The following OR3A2 variants were observed in gnomAD, a reference collection of about 807,000 sequenced individuals.
OR3A2 encodes the protein olfactory receptor 3A2.
For missense variants in OR3A2, 318 were observed against 392.8 expected, an observed-to-expected ratio of 0.81 and a Z score of 1.61; for synonymous variants, 126 against 159.3, an observed-to-expected ratio of 0.79 and a Z score of 1.57.
chr17:3,306,540 T>A (rs9894414), intron 3 of OR3A2, among the ~76,000 whole-genome samples: 28,647 of 151,796 alleles, frequency 0.19, 4,242 homozygotes, highest in African/African-American at 0.41. Context: ...CCTACAAATA[T>A]ATAGAGTGTT....
At chr17:3,366,478 C>G (rs1597360241) in intron 2 of OR3A2, among the ~76,000 whole-genome samples, 1 of 152,152 alleles carries the variant, frequency 6.6e-6, no homozygotes. Flanking sequence ...TTCCTGGATG[C>G]CACAAAAGCT....
intron 2 of OR3A2, among the ~76,000 whole-genome samples, chr17:3,356,923 T>C (rs1285114300): frequency 6.6e-6 from 1 of 151,690 alleles, no homozygotes. Flanking sequence ...TTAAGTACTA[T>C]TGAAACTTAA....
At chr17:3,321,338 G>C (rs1307506330) in intron 3 of OR3A2, among the ~76,000 whole-genome samples, 2 of 152,124 alleles carry the variant, frequency 1.3e-5, no homozygotes, top group Admixed American at 1.3e-4. Flanking sequence ...GGGACAATAT[G>C]ACTTCCTTTT....
At chr17:3,333,009 G>C (rs1347659511) in intron 3 of OR3A2, among the ~76,000 whole-genome samples, 1 of 152,182 alleles carries the variant, frequency 6.6e-6, no homozygotes, top group Non-Finnish European at 1.5e-5. Context: ...CTGACTGCCT[G>C]CAGGATTGGG....
intron 2 of OR3A2, among the ~76,000 whole-genome samples, chr17:3,340,201 T>A (rs1283786985): frequency 6.6e-6 from 1 of 152,182 alleles, no homozygotes; most frequent in African/African-American, 2.4e-5. Flanking sequence ...ATTTTATTGA[T>A]CTTTTCAAAA....
chr17:3,329,452 G>C (rs953048492), intron 3 of OR3A2, among the ~76,000 whole-genome samples: 3 of 147,640 alleles, frequency 2.0e-5, no homozygotes, highest in Non-Finnish European at 3.0e-5. Flanking sequence ...GAGTGTATGT[G>C]TCGAGGAATT....
chr17:3,347,385 C>A, intron 2 of OR3A2, among the ~76,000 whole-genome samples: 1 of 152,068 alleles, frequency 6.6e-6, no homozygotes, highest in Non-Finnish European at 1.5e-5. Flanking sequence ...CCAATGCTAT[C>A]CCTCCCCTCT....
chr17:3,303,672 A>C (rs1217438001), intron 3 of OR3A2, among the ~76,000 whole-genome samples: 1 of 150,558 alleles, frequency 6.6e-6, no homozygotes, highest in Non-Finnish European at 1.5e-5. Flanking sequence ...TTGAACACGG[A>C]AGGCAGAGGC....
In OR3A2 at chr17:3,279,775, G is replaced by A. The variant is rs1443134141; in HGVS notation, c.-6-852C>T. Among the ~76,000 whole-genome samples, 6 of 151,986 alleles carry A rather than the reference G, an allele frequency of 3.9e-5. No homozygotes were observed. The East Asian group carries it at 1.2e-3, about 29-fold the overall frequency. ...TGTACTCCAGCCTGGGTGACAGAGC[G>A]AGGCTCCATCTCAAACAAAACAAAA... is the stretch of plus-strand genomic sequence containing the variant. On this transcript the variant is annotated intron_variant, in intron 1 of 1. Coordinates refer to ENST00000642052, the Ensembl canonical transcript of OR3A2.
chr17:3,340,362 G>C (rs1276417958), intron 2 of OR3A2, among the ~76,000 whole-genome samples: 1 of 151,914 alleles, frequency 6.6e-6, no homozygotes, highest in Admixed American at 6.6e-5. Flanking sequence ...GTGATGTTAG[G>C]GTGTCAATTT....
chr17:3,369,516 T>C (rs1264317732), intron 2 of OR3A2, among the ~76,000 whole-genome samples: 1 of 152,220 alleles, frequency 6.6e-6, no homozygotes, highest in Non-Finnish European at 1.5e-5. Context: ...TTTTAATTGT[T>C]TACATGGTGT....
intron 3 of OR3A2, among the ~76,000 whole-genome samples, chr17:3,306,124 T>G (rs1400855041): frequency 6.6e-6 from 1 of 151,154 alleles, no homozygotes; most frequent in South Asian, 2.1e-4. Context: ...TGAGCTCCAC[T>G]GGAGGCTCTG....
rs35233474 is a variant in OR3A2, at chr17:3,369,805, CTT to C, written c.-179+13997_-179+13998del. On this transcript the variant is annotated intron_variant, in intron 2 of 4. Coordinates refer to the OR3A2 transcript ENST00000573491. ...TTGAATGGTTTCCGTTAGATTGGTA[CTT>C]TTTTTTTTTTTTTTGAGGCAAGCTC... Among the ~76,000 whole-genome samples, 42 of 134,634 alleles carry C rather than the reference CTT, an allele frequency of 3.1e-4. No individual in the cohort carries two copies. In the South Asian group the frequency reaches 7.0e-3, roughly 22 times the overall value. The allele number at this position is 134,634 out of a possible 152,430, so 88.3% of individuals were successfully genotyped here. A position where few individuals can be genotyped will look rare whatever the true frequency, so the allele number is the denominator to read the frequency against.
At chr17:3,334,389 C>T (rs1352048330) in intron 3 of OR3A2, among the ~76,000 whole-genome samples, 4 of 152,156 alleles carry the variant, frequency 2.6e-5, no homozygotes, top group Non-Finnish European at 5.9e-5. Flanking sequence ...TGAGTGAGAA[C>T]ATGCAACATT....
chr17:3,328,770 G>A (rs1457235699), intron 3 of OR3A2, among the ~76,000 whole-genome samples: 1 of 143,670 alleles, frequency 7.0e-6, no homozygotes, highest in African/African-American at 2.7e-5. Context: ...AGCATGAAGG[G>A]TTGTTGAATT....
chr17:3,292,387 GGAA>G, intron 3 of OR3A2: 3 of 1,614,078 alleles, frequency 1.9e-6, no homozygotes, highest in Non-Finnish European at 2.5e-6. Context: ...AGGTTCCCCA[GGAA>G]GAAGTACATG....
intron 2 of OR3A2, among the ~76,000 whole-genome samples, chr17:3,367,024 T>C (rs1054393137): frequency 6.6e-6 from 1 of 152,162 alleles, no homozygotes. Context: ...TCCTGAACAT[T>C]AGTGGGCCAC....
chr17:3,337,207 G>T (rs995319374), intron 2 of OR3A2, among the ~76,000 whole-genome samples: 1 of 152,088 alleles, frequency 6.6e-6, no homozygotes, highest in Non-Finnish European at 1.5e-5. Context: ...AGTTCAGTAG[G>T]ATTAAGTATA....
chr17:3,330,422 A>G (rs1384747899), intron 3 of OR3A2, among the ~76,000 whole-genome samples: 5 of 151,644 alleles, frequency 3.3e-5, no homozygotes, highest in South Asian at 2.1e-4. Flanking sequence ...TATATTTAGG[A>G]TAGTTAGCTC....
Sources: allele counts gnomAD v4.1 joint callset (sites outside exome capture counted in the v4.1 genomes callset), GRCh38; gene constraint gnomAD v4.1.1; transcripts MANE v1.5; gene names NCBI Gene and HGNC (gene_info 2026-07-23, HGNC 2026-07-21).